RTL9: variants seen among roughly 807,000 people sequenced by gnomAD.
RTL9 encodes the protein retrotransposon Gag-like protein 9.
In RTL9, 19 loss-of-function variants were observed where a neutral mutation model predicts 44.7. The ratio of observed to expected loss-of-function variants is 0.42; its 90% CI spans 0.30 to 0.62. RTL9 has a LOEUF of 0.62. Ranked by LOEUF, RTL9 falls within the 20% of genes least tolerant of loss-of-function variation. RTL9 has a pLI of 0.16. For synonymous variants in RTL9, 407 were observed against 398.9 expected (o/e 1.02, Z -0.24); for missense variants, 1,105 against 1,080.6 (o/e 1.02, Z -0.32).
chrX:110,437,895 G>T (rs1391757149), intron 1 of RTL9, among the ~76,000 whole-genome samples: 1 of 111,279 alleles, frequency 9.0e-6, no homozygotes, highest in Non-Finnish European at 1.9e-5. Flanking sequence ...TCAGCCTGAG[G>T]GTACCTTTGC....
intron 1 of RTL9, among the ~76,000 whole-genome samples, chrX:110,422,669 A>T (rs2068726055): frequency 8.9e-6 from 1 of 112,468 alleles, no homozygotes; most frequent in South Asian, 3.7e-4. Flanking sequence ...CTTAAAAATG[A>T]CAACCTTGTT....
upstream of RTL9, among the ~76,000 whole-genome samples, chrX:110,415,070 A>C (rs146406816): frequency 8.9e-6 from 1 of 111,982 alleles, no homozygotes; most frequent in East Asian, 2.8e-4. Flanking sequence ...AGTGTGTTAT[A>C]ATTTCCTGCT....
intron 1 of RTL9, among the ~76,000 whole-genome samples, chrX:110,443,991 G>A (rs1392563200): frequency 2.7e-5 from 3 of 112,133 alleles, no homozygotes; most frequent in Non-Finnish European, 3.8e-5. Context: ...CCTCCTTCTA[G>A]GTTGTTGCAG....
intron 1 of RTL9, among the ~76,000 whole-genome samples, chrX:110,421,184 A>G (rs983665295): frequency 8.9e-6 from 1 of 112,501 alleles, no homozygotes; most frequent in African/African-American, 3.2e-5. Flanking sequence ...TGTCACCTTT[A>G]AAATGCTTTC....
chrX:110,361,976 G>A (rs916054686), intron 1 of RTL9, among the ~76,000 whole-genome samples: 2 of 111,733 alleles, frequency 1.8e-5, no homozygotes, highest in African/African-American at 6.5e-5. Context: ...TAGCTAATGG[G>A]CCATAGTGTA....
intron 1 of RTL9, among the ~76,000 whole-genome samples, chrX:110,385,369 A>G (rs1569419479): frequency 8.9e-6 from 1 of 111,843 alleles, no homozygotes; most frequent in Non-Finnish European, 1.9e-5. Context: ...TTATATCTCA[A>G]TAAATTCACC....
intron 1 of RTL9, among the ~76,000 whole-genome samples, chrX:110,374,394 T>A (rs1264353263): frequency 1.8e-5 from 2 of 112,261 alleles, no homozygotes; most frequent in East Asian, 5.6e-4. Flanking sequence ...CTAGTAGTAT[T>A]TCTCTCAATC....
chrX:110,432,330 C>T (rs969955425), intron 1 of RTL9, among the ~76,000 whole-genome samples: 2 of 112,484 alleles, frequency 1.8e-5, no homozygotes, highest in African/African-American at 6.5e-5. Context: ...CACTACACCC[C>T]CTGCCGGGTT....
chrX:110,385,044 T>C (rs1194403694), intron 1 of RTL9, among the ~76,000 whole-genome samples: 1 of 111,267 alleles, frequency 9.0e-6, no homozygotes, highest in Non-Finnish European at 1.9e-5. Flanking sequence ...ATAACAAGTG[T>C]TGACTATTCA....
upstream of RTL9, among the ~76,000 whole-genome samples, chrX:110,449,023 G>T (rs1025119710): frequency 9.1e-6 from 1 of 110,210 alleles, no homozygotes; most frequent in African/African-American, 3.3e-5. Flanking sequence ...TCAGCAGGAG[G>T]CCAGCATTTC....
intron 1 of RTL9, among the ~76,000 whole-genome samples, chrX:110,373,423 ACT>A (rs1318638450): frequency 1.8e-5 from 2 of 111,315 alleles, no homozygotes; most frequent in Non-Finnish European, 3.8e-5. Flanking sequence ...ACACAATGAA[ACT>A]CTAGCAGAGG....
At chrX:110,373,631 T>C (rs2068355152) in intron 1 of RTL9, among the ~76,000 whole-genome samples, 1 of 112,611 alleles carries the variant, frequency 8.9e-6, no homozygotes, top group African/African-American at 3.2e-5. Flanking sequence ...AAACTACAGA[T>C]AATACAGTAA....
upstream of RTL9, among the ~76,000 whole-genome samples, chrX:110,417,142 A>T (rs2068683150): frequency 2.7e-5 from 3 of 111,983 alleles, no homozygotes; most frequent in South Asian, 1.1e-3. Context: ...CATCCCACCT[A>T]GTGCCATCTA....
intron 1 of RTL9, among the ~76,000 whole-genome samples, chrX:110,429,010 C>T (rs902177657): frequency 4.5e-5 from 5 of 111,702 alleles, no homozygotes; most frequent in South Asian, 3.8e-4. Context: ...ACTTTCTCCA[C>T]GGCTTTTGTC....
intron 1 of RTL9, among the ~76,000 whole-genome samples, chrX:110,379,434 A>T (rs781490562): frequency 3.6e-5 from 4 of 112,358 alleles, no homozygotes; most frequent in African/African-American, 9.7e-5. Flanking sequence ...ACAAGTTGTG[A>T]CTTCAGAACT....
intron 1 of RTL9, among the ~76,000 whole-genome samples, chrX:110,428,605 C>G (rs1413010460): frequency 1.8e-5 from 2 of 111,252 alleles, no homozygotes; most frequent in East Asian, 2.8e-4. Context: ...AACACTCCCC[C>G]CCTCTCCAAG....
intron 1 of RTL9, among the ~76,000 whole-genome samples, chrX:110,410,308 G>C (rs2068633357): frequency 8.9e-6 from 1 of 111,831 alleles, no homozygotes; most frequent in Admixed American, 9.5e-5. Flanking sequence ...GTAGAGGACA[G>C]AGGGCATCTT....
chrX:110,443,028 A>G (rs1162312017), intron 1 of RTL9, among the ~76,000 whole-genome samples: 2 of 112,254 alleles, frequency 1.8e-5, no homozygotes, highest in Admixed American at 9.4e-5. Context: ...CTGAACACAG[A>G]GAAGGCAGGC....
intron 1 of RTL9, among the ~76,000 whole-genome samples, chrX:110,424,200 T>G (rs1287133585): frequency 9.0e-6 from 1 of 111,678 alleles, no homozygotes; most frequent in Non-Finnish European, 1.9e-5. Context: ...TCTGACTCAG[T>G]TACACTACAC....
Sources: allele counts gnomAD v4.1 joint callset (sites outside exome capture counted in the v4.1 genomes callset), GRCh38; gene constraint gnomAD v4.1.1; transcripts MANE v1.5; gene names NCBI Gene and HGNC (gene_info 2026-07-23, HGNC 2026-07-21).